DDI2: variants seen among roughly 807,000 people sequenced by gnomAD.
DDI2 encodes the protein DDI proteasomal shuttling factor 2, also known as protein DDI1 homolog 2.
In DDI2, 5 loss-of-function variants were observed where a neutral mutation model predicts 48.1. That is an observed-to-expected ratio of 0.10 (90% CI 0.05 to 0.22). The LOEUF is 0.22. Among genes scored for constraint, DDI2 ranks in the 10% least tolerant of loss-of-function variants. DDI2 has a pLI of 1.00. For synonymous variants in DDI2, 205 were observed against 183.6 expected (o/e 1.12, Z -0.94); for missense variants, 285 against 506.2 (o/e 0.56, Z 4.19).
intron 1 of DDI2, 42 bp downstream of exon 1, chr1:15,617,850 C>T (rs1639587914): frequency 2.7e-6 from 4 of 1,505,204 alleles, no homozygotes; most frequent in Non-Finnish European, 3.6e-6. Flanking sequence ...GAGCTAAGCC[C>T]TCCCCGCCTC....
intron 5 of DDI2, among the ~76,000 whole-genome samples, chr1:15,640,020 GA>G (rs1330278500): frequency 0.01 from 1,397 of 138,972 alleles, 12 homozygotes; most frequent in Middle Eastern, 0.026. Context: ...GCCTTCGGGG[GA>G]AAAAAAAAAA....
rs1466574089 is a variant in DDI2 at position 15,666,591 on chromosome 1, C to T, written c.*6801C>T. 2 of 152,138 alleles carry T rather than the reference C, an allele frequency of 1.3e-5. No homozygotes were observed. Among genetic ancestry groups the T allele is most frequent in the African/African-American group, 4.8e-5 (2 of 41,426 alleles). 9.4% of individuals were successfully genotyped at this position (152,138 alleles called of 1,614,324 possible). ...GAAAGGAAATTGGTACTCTTGAAGG[C>T]TATGCAACATGAGTCTTTGAACAAG... On this transcript the variant is annotated 3_prime_UTR_variant, in exon 10 of 10. Coordinates refer to ENST00000480945, the MANE Select transcript of DDI2 (RefSeq NM_032341.5).
At chr1:15,630,221 T>G (rs1326738595) in intron 2 of DDI2, 104 bp from the exon 3 acceptor site, 1 of 1,008,814 alleles carries the variant, frequency 9.9e-7, no homozygotes, top group Non-Finnish European at 1.5e-6. Flanking sequence ...ACAGTTACCT[T>G]TGCTGCTGTC....
chr1:15,646,444 T>C (rs961412080), intron 6 of DDI2, among the ~76,000 whole-genome samples: 7 of 152,228 alleles, frequency 4.6e-5, no homozygotes, highest in Non-Finnish European at 1.0e-4. Flanking sequence ...CCCAGCACTT[T>C]GGGACCCCGA....
intron 5 of DDI2, among the ~76,000 whole-genome samples, chr1:15,642,092 A>G (rs1300067112): frequency 6.6e-6 from 1 of 152,212 alleles, no homozygotes; most frequent in East Asian, 1.9e-4. Context: ...TTATGGCTGC[A>G]AGAAAATAAT....
intron 6 of DDI2, among the ~76,000 whole-genome samples, chr1:15,643,879 C>T (rs188024345): frequency 5.2e-4 from 79 of 152,284 alleles, no homozygotes; most frequent in African/African-American, 1.7e-3. Context: ...GTCTCCTCTA[C>T]GTTTCTATTT....
intron 1 of DDI2, among the ~76,000 whole-genome samples, chr1:15,620,534 C>T (rs1639642282): frequency 6.6e-6 from 1 of 152,032 alleles, no homozygotes; most frequent in African/African-American, 2.4e-5. Flanking sequence ...CATTCCTTCA[C>T]CTCTCATTTC....
At position 15,638,332 on chromosome 1, in the gene DDI2, A is replaced by G. The variant is rs1314068129; in HGVS notation, c.658A>G (p.Thr220Ala). Reference sequence around the variant, plus strand: ...GCAACAGAACATTGAGGAAAACATGACAATAGCTATGGAAGAGGCTCCGGA... The same window carrying G: ...GCAACAGAACATTGAGGAAAACATGGCAATAGCTATGGAAGAGGCTCCGGA... ...IRQQNIEENMTIAMEEAPESF... is the reference protein window; with the variant it reads ...IRQQNIEENMAIAMEEAPESF... The change falls in exon 5 of 10, where the codon ACA (threonine) becomes GCA (alanine). Residue 220 changes from threonine to alanine, a missense_variant. By Grantham distance (58) the Thr-to-Ala change is moderately conservative. Coordinates refer to ENST00000480945, the MANE Select transcript of DDI2 (RefSeq NM_032341.5). 1.2e-6 allele frequency: 2 copies of G among 1,614,008 alleles called. No homozygotes were observed. Among genetic ancestry groups the G allele is most frequent in the Non-Finnish European group, 1.7e-6 (2 of 1,179,974 alleles).
At chr1:15,620,044 TA>T (rs1209498555) in intron 1 of DDI2, among the ~76,000 whole-genome samples, 1 of 152,194 alleles carries the variant, frequency 6.6e-6, no homozygotes, top group Non-Finnish European at 1.5e-5. Context: ...TGCCAGTTGG[TA>T]AAGTTAGGAA....
chr1:15,630,542 T>A lies in DDI2; in HGVS notation c.486T>A (p.Ala162=). Residue 162 remains alanine, a synonymous_variant, in exon 3 of 10, where the codon GCT becomes GCA. Coordinates refer to ENST00000480945, the MANE Select transcript of DDI2 (RefSeq NM_032341.5). ...AACGCAATCCACCCCTGGCAGAAGC[T>A]CTGCTCAGTGGAGACCTTGGTAAGC... is the stretch of plus-strand genomic sequence containing the variant. ...LKERNPPLAE[A]LLSGDLEKFS... is the part of the protein sequence containing the mutation. 1 of 1,613,640 alleles carries A rather than the reference T, an allele frequency of 6.2e-7. No homozygotes were observed. Among genetic ancestry groups the A allele is most frequent in the South Asian group, 1.1e-5 (1 of 91,066 alleles).
chr1:15,652,446 C>G (rs1470817967), intron 8 of DDI2, among the ~76,000 whole-genome samples: 1 of 15,920 alleles, frequency 6.3e-5, no homozygotes, highest in African/African-American at 1.9e-4. Flanking sequence ...TGGGAGGCTC[C>G]GGAGGGGGGG....
rs370638240 is a variant in DDI2 at position 15,629,805 on chromosome 1, C to T, written c.269-520C>T. 2.5e-4 allele frequency among the ~76,000 whole-genome samples: 38 copies of T among 150,586 alleles called. No homozygotes were observed. The East Asian group carries it at 6.9e-3, about 28-fold the overall frequency. ...GGAGTGCAATGGCGCCATCTCGGCTCACTGCAACCTCCACCTCCCGGGTTC... is the reference window on the plus strand; with the variant it reads ...GGAGTGCAATGGCGCCATCTCGGCTTACTGCAACCTCCACCTCCCGGGTTC... On this transcript the variant is annotated intron_variant, in intron 2 of 9. Coordinates refer to ENST00000480945, the MANE Select transcript of DDI2 (RefSeq NM_032341.5).
chr1:15,626,967 T>A (rs1639764219), intron 2 of DDI2, 169 bp downstream of exon 2: 1 of 860,586 alleles, frequency 1.2e-6, no homozygotes. Flanking sequence ...GTCTCTAAAT[T>A]GGTTTCCTCT....
At chr1:15,636,341 G>A (rs185391207) in intron 4 of DDI2, among the ~76,000 whole-genome samples, 5 of 152,140 alleles carry the variant, frequency 3.3e-5, no homozygotes, top group African/African-American at 4.8e-5. Flanking sequence ...TTGCCCAGTC[G>A]TGTCTTGAAG....
rs1640188357 is a variant in DDI2, at chr1:15,651,850, G to T, written c.1138G>T (p.Asp380Tyr). 2 of 1,613,754 alleles carry T rather than the reference G, an allele frequency of 1.2e-6. No individual in the cohort carries two copies. Among genetic ancestry groups the T allele is most frequent in the South Asian group, 2.2e-5 (2 of 91,022 alleles). The change falls in exon 8 of 10, where the codon GAC becomes TAC. Residue 380 changes from aspartate to tyrosine, a missense_variant. Coordinates refer to ENST00000480945, the MANE Select transcript of DDI2 (RefSeq NM_032341.5). The stretch of plus-strand genomic sequence containing the variant: ...GGATGTACGGCCAGAGGAGATTGCA[G>T]ACCAAGAATTAGCAGAAGCCCTTCA... ...REDVRPEEIADQELAEALQKS... is the reference protein window; with the variant it reads ...REDVRPEEIAYQELAEALQKS...
chr1:15,632,731 G>A (rs1001645820), intron 3 of DDI2, among the ~76,000 whole-genome samples: 28 of 152,052 alleles, frequency 1.8e-4, no homozygotes, highest in Non-Finnish European at 3.8e-4. Context: ...AAGAGGAAAA[G>A]GAGATTATAT....
Position 15,638,313 on chromosome 1 carries a change from G to A in DDI2, c.639G>A (p.Gln213=), listed in dbSNP as rs1380737370. 12 of 1,613,826 alleles carry A rather than the reference G, an allele frequency of 7.4e-6. No individual in the cohort carries two copies. The highest frequency in any genetic ancestry group is 1.0e-5 in the Non-Finnish European group (12 of 1,179,866). The change falls in exon 5 of 10, where the codon CAG becomes CAA. Residue 213 remains glutamine, a synonymous_variant. Transcript: ENST00000480945. ...QAKIEEDIRQ[Q]NIEENMTIAM... ...TGGTCTTGTTCTGTTACAGGCAACAGAACATTGAGGAAAACATGACAATAG... is the reference window on the plus strand; with the variant it reads ...TGGTCTTGTTCTGTTACAGGCAACAAAACATTGAGGAAAACATGACAATAG...
intron 1 of DDI2, among the ~76,000 whole-genome samples, chr1:15,622,215 T>TTTTTTTTG (rs1639677006): frequency 1.3e-5 from 2 of 151,218 alleles, no homozygotes; most frequent in Non-Finnish European, 1.5e-5. Context: ...TTTTTTTTTT[T>TTTTTTTTG]GAGACGAGGT....
At chr1:15,620,774 T>C (rs557324379) in intron 1 of DDI2, among the ~76,000 whole-genome samples, 1 of 152,192 alleles carries the variant, frequency 6.6e-6, no homozygotes, top group African/African-American at 2.4e-5. Context: ...GTGCATTATA[T>C]GCATATATAA....
Sources: gnomAD v4.1 joint callset for allele counts (sites outside exome capture counted in the v4.1 genomes callset) on GRCh38, gnomAD v4.1.1 for gene constraint, MANE v1.5 for transcripts, NCBI Gene and HGNC (gene_info 2026-07-23, HGNC 2026-07-21) for gene names.